IPCEF1: variants seen among roughly 807,000 people sequenced by gnomAD.
The protein encoded by IPCEF1 is interactor protein for cytohesin exchange factors 1.
Under a neutral mutation model 50.9 loss-of-function variants are expected in IPCEF1, and 31 were observed. The observed-to-expected ratio is 0.61, with a 90% confidence interval of 0.46 to 0.82. The LOEUF (loss-of-function observed/expected upper bound fraction) is 0.82, where lower values mean the gene tolerates loss of function less well. Among genes scored for constraint, IPCEF1 ranks in the 40% least tolerant of loss-of-function variants. IPCEF1 has a pLI of 0.00. For missense variants in IPCEF1, 458 were observed against 514.0 expected, an observed-to-expected ratio of 0.89 and a Z score of 1.05; for synonymous variants, 181 against 192.0, an observed-to-expected ratio of 0.94 and a Z score of 0.47.
chr6:154,176,846 A>C (rs1007490968), intron 10 of IPCEF1, among the ~76,000 whole-genome samples: 1 of 152,152 alleles, frequency 6.6e-6, no homozygotes, highest in East Asian at 1.9e-4. Context: ...ATCCTGAGCA[A>C]AAAGAACAAA....
chr6:154,220,803 G>A (rs1051428639), intron 7 of IPCEF1, among the ~76,000 whole-genome samples: 4 of 152,200 alleles, frequency 2.6e-5, no homozygotes, highest in African/African-American at 7.2e-5. Context: ...GATGTACTCC[G>A]AGCAAAGGCG....
At chr6:154,310,655 T>C (rs1380673252) in intron 1 of IPCEF1, among the ~76,000 whole-genome samples, 3 of 152,178 alleles carry the variant, frequency 2.0e-5, no homozygotes, top group Non-Finnish European at 1.5e-5. Flanking sequence ...TATATACACA[T>C]GGAATACTAT....
At chr6:154,351,812 A>G (rs781518065) in intron 1 of IPCEF1, among the ~76,000 whole-genome samples, 1 of 152,236 alleles carries the variant, frequency 6.6e-6, no homozygotes, top group Non-Finnish European at 1.5e-5. Flanking sequence ...ATAAAAAGGA[A>G]CAAGATCATG....
intron 10 of IPCEF1, among the ~76,000 whole-genome samples, chr6:154,197,910 T>G (rs1016085526): frequency 1.3e-5 from 2 of 152,232 alleles, no homozygotes; most frequent in African/African-American, 2.4e-5. Flanking sequence ...AAATAATAGA[T>G]GTAGTACTTT....
intron 3 of IPCEF1, among the ~76,000 whole-genome samples, chr6:154,255,796 A>T (rs1342243670): frequency 6.6e-6 from 1 of 152,044 alleles, no homozygotes; most frequent in African/African-American, 2.4e-5. Context: ...AAAGTGTCCA[A>T]TGTTTATGCC....
intron 1 of IPCEF1, among the ~76,000 whole-genome samples, chr6:154,316,722 T>C (rs1329978758): frequency 6.6e-6 from 1 of 152,202 alleles, no homozygotes; most frequent in Non-Finnish European, 1.5e-5. Context: ...TTAATAACGA[T>C]GTATTGTATT....
chr6:154,205,893 C>T (rs555054532), intron 9 of IPCEF1, among the ~76,000 whole-genome samples: 1 of 152,158 alleles, frequency 6.6e-6, no homozygotes, highest in Non-Finnish European at 1.5e-5. Context: ...ACTAGGATTA[C>T]AATAGCAGAC....
At chr6:154,192,414 T>C (rs535729110) in intron 10 of IPCEF1, among the ~76,000 whole-genome samples, 1 of 152,172 alleles carries the variant, frequency 6.6e-6, no homozygotes, top group South Asian at 2.1e-4. Context: ...TCTATGTATA[T>C]GATACTTTTC....
chr6:154,161,978 C>T (rs1215332164), intron 11 of IPCEF1, among the ~76,000 whole-genome samples: 1 of 152,208 alleles, frequency 6.6e-6, no homozygotes, highest in Non-Finnish European at 1.5e-5. Flanking sequence ...CCTCTCTCAT[C>T]CTCACTCGCA....
chr6:154,184,269 G>A (rs991002552), intron 10 of IPCEF1, among the ~76,000 whole-genome samples: 9 of 151,968 alleles, frequency 5.9e-5, no homozygotes, highest in Non-Finnish European at 1.3e-4. Context: ...ATATTAGAAT[G>A]TTTACTGTAA....
chr6:154,181,381 CT>C (rs1432354455), intron 10 of IPCEF1, among the ~76,000 whole-genome samples: 1 of 152,102 alleles, frequency 6.6e-6, no homozygotes, highest in Non-Finnish European at 1.5e-5. Context: ...TTTAACACTT[CT>C]ATGAGAAGTG....
chr6:154,309,271 A>T (rs1437260204), intron 1 of IPCEF1, among the ~76,000 whole-genome samples: 3 of 152,104 alleles, frequency 2.0e-5, no homozygotes, highest in Non-Finnish European at 2.9e-5. Flanking sequence ...TATCAATATC[A>T]CAAATTTGGA....
intron 2 of IPCEF1, among the ~76,000 whole-genome samples, chr6:154,279,555 TA>T (rs1173956243): frequency 1.3e-5 from 2 of 152,228 alleles, no homozygotes; most frequent in African/African-American, 4.8e-5. Flanking sequence ...TGGTTTCAAA[TA>T]GGGGTCAAGT....
At chr6:154,225,161 C>A (rs1450194904) in intron 5 of IPCEF1, among the ~76,000 whole-genome samples, 5 of 152,034 alleles carry the variant, frequency 3.3e-5, no homozygotes, top group African/African-American at 1.2e-4. Context: ...TCTGAAAATC[C>A]AACACCCAAT....
intron 9 of IPCEF1, among the ~76,000 whole-genome samples, chr6:154,202,899 G>A (rs1483365470): frequency 6.6e-6 from 1 of 152,200 alleles, no homozygotes; most frequent in Non-Finnish European, 1.5e-5. Context: ...ACTTGGAGAA[G>A]AGGAAAAGGA....
At chr6:154,240,305 C>T (rs111353174) in intron 5 of IPCEF1, among the ~76,000 whole-genome samples, 13 of 152,246 alleles carry the variant, frequency 8.5e-5, no homozygotes, top group African/African-American at 1.9e-4. Context: ...GTAAAGAATA[C>T]GTCCTCTGCT....
At chr6:154,351,057 C>A (rs998852532) in intron 1 of IPCEF1, among the ~76,000 whole-genome samples, 1 of 152,158 alleles carries the variant, frequency 6.6e-6, no homozygotes, top group African/African-American at 2.4e-5. Flanking sequence ...ATAGATGAGA[C>A]AACTCAAGCG....
rs539631286 is a variant in IPCEF1, at chr6:154,211,191, C to A, written c.537+1579G>T. On this transcript the variant is annotated intron_variant, in intron 9 of 11. Coordinates refer to ENST00000367220, the MANE Select transcript of IPCEF1 (RefSeq NM_001130700.2). ...CAGCACTTTGGGAGGCCGAGGCAGG[C>A]GGATCATGAGGTCAGGAGATTGAGA... 2.6e-5 allele frequency among the ~76,000 whole-genome samples: 4 copies of A among 151,874 alleles called. No individual in the cohort carries two copies. In the South Asian group the frequency reaches 8.3e-4, roughly 32 times the overall value.
At chr6:154,356,342 C>T (rs1784217320) in intron 1 of IPCEF1, among the ~76,000 whole-genome samples, 2 of 152,338 alleles carry the variant, frequency 1.3e-5, no homozygotes, top group Middle Eastern at 6.8e-3. Context: ...CCCAAATGAA[C>T]TCCTCAGGAC....
Sources: gnomAD v4.1 joint callset for allele counts (sites outside exome capture counted in the v4.1 genomes callset) on GRCh38, gnomAD v4.1.1 for gene constraint, MANE v1.5 for transcripts, NCBI Gene and HGNC (gene_info 2026-07-23, HGNC 2026-07-21) for gene names.